CAV1: variants seen among roughly 807,000 people sequenced by gnomAD.
The protein encoded by CAV1 is caveolin 1.
CAV1 carries 10 observed loss-of-function variants against 16.5 expected under a neutral mutation model. The ratio of observed to expected loss-of-function variants is 0.61; its 90% CI spans 0.37 to 1.03. The LOEUF is 1.03. CAV1 is among the 50% of genes least tolerant of loss of function. The pLI is 0.01. For missense variants in CAV1, 212 were observed against 232.8 expected (o/e 0.91, Z 0.58); for synonymous variants, 76 against 85.1 (o/e 0.89, Z 0.59).
intron 2 of CAV1, among the ~76,000 whole-genome samples, chr7:116,541,194 G>A (rs1183923522): frequency 6.6e-6 from 1 of 152,178 alleles, no homozygotes; most frequent in Non-Finnish European, 1.5e-5. Flanking sequence ...TCTTAAGAGG[G>A]AGGTAGAGAT....
At chr7:116,534,395 A>ATATATATATATTTTTTTT (rs1442237865) in intron 2 of CAV1, among the ~76,000 whole-genome samples, 1 of 7,840 alleles carries the variant, frequency 1.3e-4, no homozygotes, top group South Asian at 0.011. Flanking sequence ...ATATATATAT[A>ATATATATATATTTTTTTT]TTTTTTTTTT....
At chr7:116,526,456 T>A in intron 1 of CAV1, 69 bp from the exon 2 acceptor site, 1 of 1,608,632 alleles carries the variant, frequency 6.2e-7, no homozygotes, top group East Asian at 2.2e-5. Flanking sequence ...TGTTTTTCTT[T>A]TTGCATTTTT....
intron 2 of CAV1, among the ~76,000 whole-genome samples, chr7:116,547,001 G>T (rs1202946481): frequency 6.6e-6 from 1 of 152,140 alleles, no homozygotes; most frequent in East Asian, 1.9e-4. Context: ...GCAATGTTTG[G>T]CATTCTGTGG....
chr7:116,537,092 T>G (rs2115994665), intron 2 of CAV1, among the ~76,000 whole-genome samples: 1 of 149,204 alleles, frequency 6.7e-6, no homozygotes, highest in South Asian at 2.2e-4. Context: ...GGGAACTACA[T>G]ATTCTTAAAG....
chr7:116,555,592 GAA>G (rs1427689844), intron 2 of CAV1, among the ~76,000 whole-genome samples: 6 of 82,668 alleles, frequency 7.3e-5, no homozygotes, highest in African/African-American at 2.4e-4. Context: ...AAGAAAGAAA[GAA>G]AGAAAGAAAG....
chr7:116,554,193 A>C (rs1168453702), intron 2 of CAV1, among the ~76,000 whole-genome samples: 1 of 152,212 alleles, frequency 6.6e-6, no homozygotes, highest in African/African-American at 2.4e-5. Context: ...TCCCTTAAAT[A>C]CAAAGACCAA....
chr7:116,526,552 G>A lies in CAV1; in HGVS notation c.58G>A (p.Glu20Lys). ...EGHLYTVPIR[E>K]QGNIYKPNNK... ...ACATCTCTACACCGTTCCCATCCGG[G>A]AACAGGGCAACATCTACAAGCCCAA... Residue 20 changes from glutamate (E) to lysine (K), a missense_variant, in exon 2 of 3, where the codon GAA (glutamate) becomes AAA (lysine). Glu to Lys is a moderately conservative substitution (Grantham distance 56). Transcript: ENST00000341049. 2 of 1,614,124 alleles carry A rather than the reference G, an allele frequency of 1.2e-6. No homozygotes were observed. The highest frequency in any genetic ancestry group is 1.7e-6 in the Non-Finnish European group (2 of 1,180,038).
At chr7:116,525,139 C>G in intron 1 of CAV1, 47 bp downstream of exon 1, 1 of 1,614,154 alleles carries the variant, frequency 6.2e-7, no homozygotes, top group Non-Finnish European at 8.5e-7. Flanking sequence ...GGGGAGTGTC[C>G]GCTTCTGCTA....
intron 2 of CAV1, among the ~76,000 whole-genome samples, chr7:116,539,108 C>A (rs746740591): frequency 6.6e-6 from 1 of 152,172 alleles, no homozygotes; most frequent in Non-Finnish European, 1.5e-5. Flanking sequence ...ATGAGTCCTG[C>A]CGTACCACAG....
intron 2 of CAV1, among the ~76,000 whole-genome samples, chr7:116,558,583 T>TAAA (rs35500345): frequency 2.3e-5 from 3 of 132,294 alleles, no homozygotes; most frequent in African/African-American, 5.6e-5. Context: ...CTCCATCTCT[T>TAAA]AAAAAAAAAA....
chr7:116,557,518 T>A (rs3807993), intron 2 of CAV1, among the ~76,000 whole-genome samples: 13,178 of 152,176 alleles, frequency 0.087, 704 homozygotes, highest in East Asian at 0.21. Flanking sequence ...ATTCTGTTTT[T>A]AATCCTGTGC....
At position 116,559,401 on chromosome 7, in the gene CAV1, G is replaced by A; in HGVS notation, c.*114G>A. The stretch of plus-strand genomic sequence containing the variant: ...AACAATTTATGAATTGAATTATCTT[G>A]GTTGAAAATAAAAAGATCACTTTCT... On this transcript the variant is annotated 3_prime_UTR_variant, in exon 3 of 3. Transcript: ENST00000341049. The A allele has an allele frequency of 1.4e-6, 1 of 730,174 alleles. No homozygotes were observed. The highest frequency in any genetic ancestry group is 2.4e-6 in the Non-Finnish European group (1 of 422,112). 45.2% of individuals were successfully genotyped at this position (730,174 alleles called of 1,614,324 possible). A position where few individuals can be genotyped will look rare whatever the true frequency, so the allele number is the denominator to read the frequency against.
chr7:116,536,782 T>A (rs1044390658), intron 2 of CAV1, among the ~76,000 whole-genome samples: 1 of 151,848 alleles, frequency 6.6e-6, no homozygotes, highest in Non-Finnish European at 1.5e-5. Flanking sequence ...GGCGGGTGGA[T>A]CACGAGGTCA....
At chr7:116,526,800 A>C in intron 2 of CAV1, 111 bp downstream of exon 2, 26 of 1,141,788 alleles carry the variant, frequency 2.3e-5, no homozygotes, top group Non-Finnish European at 3.2e-5. Flanking sequence ...CGCCCCCTAC[A>C]CGCGCACACA....
rs142699467 is a variant in CAV1, at chr7:116,559,275, G to A, written c.525G>A (p.Gln175=). The stretch of plus-strand genomic sequence containing the variant: ...TCAGCAATGTCCGCATCAACTTGCA[G>A]AAAGAAATATAAATGACATTTCAAG... ...KIFSNVRINL[Q]KEI Residue 175 remains glutamine, a synonymous_variant, in exon 3 of 3, where the codon CAG becomes CAA. Coordinates refer to ENST00000341049, the MANE Select transcript of CAV1 (RefSeq NM_001753.5). 5 of 1,611,556 alleles carry A rather than the reference G, an allele frequency of 3.1e-6. No homozygotes were observed. Among genetic ancestry groups the A allele is most frequent in the Non-Finnish European group, 4.2e-6 (5 of 1,177,922 alleles).
chr7:116,557,613 A>G (rs141678657), intron 2 of CAV1, among the ~76,000 whole-genome samples: 39 of 152,282 alleles, frequency 2.6e-4, no homozygotes, highest in African/African-American at 8.7e-4. Flanking sequence ...TGGGAGAGCT[A>G]TTGGGAAAGG....
intron 2 of CAV1, among the ~76,000 whole-genome samples, chr7:116,553,177 C>T (rs1022436): frequency 1.3e-5 from 2 of 151,930 alleles, no homozygotes; most frequent in African/African-American, 4.8e-5. Context: ...AGAAAAGATT[C>T]TATATTTTAA....
intron 2 of CAV1, among the ~76,000 whole-genome samples, chr7:116,529,962 GATAA>G (rs1793649657): frequency 6.6e-6 from 1 of 151,920 alleles, no homozygotes; most frequent in South Asian, 2.1e-4. Context: ...TGATTTTCTA[GATAA>G]ATAAAATGGC....
intron 2 of CAV1, among the ~76,000 whole-genome samples, chr7:116,529,492 A>G (rs1209746357): frequency 6.6e-6 from 1 of 152,212 alleles, no homozygotes. Context: ...TTCCATCAGC[A>G]CAGAAATCTC....
Sources: allele counts gnomAD v4.1 joint callset (sites outside exome capture counted in the v4.1 genomes callset), GRCh38; gene constraint gnomAD v4.1.1; transcripts MANE v1.5; gene names NCBI Gene and HGNC (gene_info 2026-07-23, HGNC 2026-07-21).